DYNLRB1: variants seen among roughly 807,000 people sequenced by gnomAD.
DYNLRB1 encodes ROBL/LC7-like 1.
Under a neutral mutation model 13.5 loss-of-function variants are expected in DYNLRB1, and 6 were observed. That is an observed-to-expected ratio of 0.44 (90% CI 0.24 to 0.88). DYNLRB1 has a LOEUF of 0.88. DYNLRB1 is among the 40% of genes least tolerant of loss of function. DYNLRB1 has a pLI of 0.21. For missense variants in DYNLRB1, 93 were observed against 127.2 expected (o/e 0.73, Z 1.29); for synonymous variants, 43 against 45.0 (o/e 0.96, Z 0.18).
intron 2 of DYNLRB1, chr20:34,530,135 A>G (rs759680064): frequency 1.2e-5 from 15 of 1,225,096 alleles, no homozygotes; most frequent in African/African-American, 1.6e-5. Flanking sequence ...AGGCTTCCAC[A>G]TGAACTCACA....
At chr20:34,533,266 C>G (rs1980853006) in intron 2 of DYNLRB1, among the ~76,000 whole-genome samples, 1 of 152,216 alleles carries the variant, frequency 6.6e-6, no homozygotes, top group Non-Finnish European at 1.5e-5. Flanking sequence ...AACCCAGCCC[C>G]TAAGTAGCCA....
upstream of DYNLRB1, chr20:34,516,420 C>G (rs549180168): frequency 3.7e-6 from 6 of 1,612,314 alleles, no homozygotes; most frequent in East Asian, 4.5e-5. Context: ...ACAGGACTCG[C>G]TAAGTGTTCG....
intron 1 of DYNLRB1, chr20:34,516,926 G>GC (rs1979268207): frequency 1.5e-6 from 2 of 1,373,364 alleles, no homozygotes; most frequent in Admixed American, 2.9e-5. Context: ...GTTATTCAGC[G>GC]CCCCGAGAAG....
chr20:34,540,745 G>T lies in DYNLRB1; in HGVS notation c.*121G>T. 9.9e-7 allele frequency: 1 copy of T among 1,010,368 alleles called. No homozygotes were observed. Among genetic ancestry groups the T allele is most frequent in the Non-Finnish European group, 1.5e-6 (1 of 673,120 alleles). 62.6% of individuals were successfully genotyped at this position (1,010,368 alleles called of 1,614,324 possible). On this transcript the variant is annotated 3_prime_UTR_variant, in exon 4 of 4. Coordinates refer to ENST00000357156, the MANE Select transcript of DYNLRB1 (RefSeq NM_014183.4). ...TGGAACCCACTCACACCAATCCAGT[G>T]ACCGTGTGTGGGCTGGCGGCTCTTC...
intron 3 of DYNLRB1, chr20:34,536,396 A>G: frequency 2.0e-6 from 2 of 985,394 alleles, no homozygotes; most frequent in Non-Finnish European, 2.4e-6. Flanking sequence ...TTTAAACTGC[A>G]GTTCCTCCCA....
intron 1 of DYNLRB1, 170 bp downstream of exon 1, chr20:34,516,631 G>T: frequency 6.8e-7 from 1 of 1,475,266 alleles, no homozygotes. Flanking sequence ...GGCGGCGGAG[G>T]CCTCTAAAGC....
At chr20:34,524,816 C>T (rs748961889) in intron 1 of DYNLRB1, among the ~76,000 whole-genome samples, 1 of 151,752 alleles carries the variant, frequency 6.6e-6, no homozygotes, top group African/African-American at 2.4e-5. Flanking sequence ...CTCCACCCCG[C>T]GGGTTCACGC....
At chr20:34,522,469 C>CTTTTTTTTTTTTTTTTTTTTTTTTTTT (rs771811577) in intron 1 of DYNLRB1, among the ~76,000 whole-genome samples, 14 of 77,212 alleles carry the variant, frequency 1.8e-4, no homozygotes, top group Admixed American at 6.0e-4. Flanking sequence ...TTTTCTTTTT[C>CTTTTTTTTTTTTTTTTTTTTTTTTTTT]TTTTTTTTTT....
At chr20:34,525,629 G>GGACAGGAGT in intron 1 of DYNLRB1, among the ~76,000 whole-genome samples, 1 of 152,280 alleles carries the variant, frequency 6.6e-6, no homozygotes, top group South Asian at 2.1e-4. Context: ...GGGAAGGGTA[G>GGACAGGAGT]GACAGGAGTG....
chr20:34,516,592 G>GGGCCCC, intron 1 of DYNLRB1, 131 bp downstream of exon 1: 3 of 1,527,792 alleles, frequency 2.0e-6, no homozygotes, highest in Non-Finnish European at 1.8e-6. Context: ...GGCCGGGCCC[G>GGGCCCC]GGCCCCAGCC....
chr20:34,516,308 C>A, upstream of DYNLRB1: 3 of 1,266,144 alleles, frequency 2.4e-6, no homozygotes, highest in Non-Finnish European at 2.1e-6. Context: ...AGAATCCTGG[C>A]GGAGCCAAGA....
At chr20:34,538,829 G>A (rs967894239) in intron 3 of DYNLRB1, among the ~76,000 whole-genome samples, 1 of 152,204 alleles carries the variant, frequency 6.6e-6, no homozygotes, top group African/African-American at 2.4e-5. Flanking sequence ...TTTCGCTCAT[G>A]CTCAGCAGGG....
At chr20:34,528,412 A>T (rs974709119) in intron 2 of DYNLRB1, among the ~76,000 whole-genome samples, 1 of 151,100 alleles carries the variant, frequency 6.6e-6, no homozygotes, top group African/African-American at 2.4e-5. Context: ...AGAGGAGTCC[A>T]CTGAGACACT....
Position 34,534,663 on chromosome 20 carries a change from A to G in DYNLRB1, c.115A>G (p.Thr39Ala), listed in dbSNP as rs755467153. ...CAAGAGCACCATGGACAACCCCACC[A>G]CCACCCAGTATGCCAGCCTCATGCA... ...PIKSTMDNPTTTQYASLMHSF... is the reference protein window; with the variant it reads ...PIKSTMDNPTATQYASLMHSF... The change falls in exon 3 of 4, where the codon ACC becomes GCC. Residue 39 changes from threonine (T) to alanine (A), a missense_variant. Thr to Ala is a moderately conservative substitution (Grantham distance 58). Transcript: ENST00000357156. The G allele has an allele frequency of 3.2e-6, 5 of 1,586,678 alleles. No homozygotes were observed.
intron 2 of DYNLRB1, among the ~76,000 whole-genome samples, chr20:34,532,864 T>C (rs1409804418): frequency 1.3e-5 from 2 of 152,210 alleles, no homozygotes; most frequent in African/African-American, 4.8e-5. Context: ...GCCAGTTTCT[T>C]TACCACTCAG....
At chr20:34,535,984 G>C in intron 3 of DYNLRB1, 1 of 985,312 alleles carries the variant, frequency 1.0e-6, no homozygotes, top group Non-Finnish European at 1.2e-6. Flanking sequence ...CCCTGCAGCA[G>C]ACCAGCATAG....
At chr20:34,516,959 T>C in intron 1 of DYNLRB1, 1 of 1,340,748 alleles carries the variant, frequency 7.5e-7, no homozygotes, top group Non-Finnish European at 9.6e-7. Flanking sequence ...CCCCAGGAAA[T>C]AGTGGAGATG....
In DYNLRB1 at chr20:34,540,662, A is replaced by T. The variant is rs775979731; in HGVS notation, c.*38A>T. 15 of 1,601,148 alleles carry T rather than the reference A, an allele frequency of 9.4e-6. No individual in the cohort carries two copies. Among genetic ancestry groups the T allele is most frequent in the Non-Finnish European group, 1.3e-5 (15 of 1,169,594 alleles). On this transcript the variant is annotated 3_prime_UTR_variant, in exon 4 of 4. Coordinates refer to ENST00000357156, the MANE Select transcript of DYNLRB1 (RefSeq NM_014183.4). ...GCTCCCTGTGTCATTCCTTAATTTAATGCCCCCCAAGAATGTTAATGTCAA... is the reference window on the plus strand; with the variant it reads ...GCTCCCTGTGTCATTCCTTAATTTATTGCCCCCCAAGAATGTTAATGTCAA...
chr20:34,516,584 C>T (rs1417725063), intron 1 of DYNLRB1, 123 bp downstream of exon 1: 1 of 1,533,436 alleles, frequency 6.5e-7, no homozygotes, highest in Admixed American at 2.0e-5. Context: ...CTGGGCGTGG[C>T]CGGGCCCGGG....
Sources: gnomAD v4.1 joint callset for allele counts (sites outside exome capture counted in the v4.1 genomes callset) on GRCh38, gnomAD v4.1.1 for gene constraint, MANE v1.5 for transcripts, NCBI Gene and HGNC (gene_info 2026-07-23, HGNC 2026-07-21) for gene names.